CRLS1: variants seen among roughly 807,000 people sequenced by gnomAD.
The protein encoded by CRLS1 is cardiolipin synthase (CMP-forming).
CRLS1 carries 24 observed loss-of-function variants against 37.0 expected under a neutral mutation model. The ratio of observed to expected loss-of-function variants is 0.65; its 90% CI spans 0.47 to 0.91. The LOEUF (loss-of-function observed/expected upper bound fraction) is 0.91. Among genes scored for constraint, CRLS1 ranks in the 40% least tolerant of loss-of-function variants. CRLS1 has a pLI of 0.00. For missense variants in CRLS1, 373 were observed against 395.8 expected, an observed-to-expected ratio of 0.94 and a Z score of 0.49; for synonymous variants, 135 against 159.7, an observed-to-expected ratio of 0.85 and a Z score of 1.17.
chr20:6,021,065 C>CTT (rs148717152), intron 3 of CRLS1, among the ~76,000 whole-genome samples: 9 of 114,332 alleles, frequency 7.9e-5, no homozygotes, highest in Middle Eastern at 5.2e-3. Context: ...TGTTTTGTAT[C>CTT]TTTTTTTTTT....
rs183681722 is a variant in CRLS1, at chr20:6,037,843, T to C, written c.*685T>C. 2 of 152,342 alleles carry C rather than the reference T, an allele frequency of 1.3e-5. No homozygotes were observed. Among genetic ancestry groups the C allele is most frequent in the Admixed American group, 1.3e-4 (2 of 15,304 alleles). The allele number at this position is 152,342 out of a possible 1,614,324, so 9.4% of individuals were successfully genotyped here. A position where few individuals can be genotyped will look rare whatever the true frequency, so the allele number is the denominator to read the frequency against. ...AGTCGAGATAGGAGAACGTGTCTAT[T>C]AGTCTTTGCATCTAAAAGGCAGTGA... On this transcript the variant is annotated 3_prime_UTR_variant, in exon 7 of 7. Transcript: ENST00000378863.
intron 2 of CRLS1, among the ~76,000 whole-genome samples, chr20:6,013,808 A>C (rs904092812): frequency 5.3e-5 from 8 of 152,210 alleles, no homozygotes; most frequent in African/African-American, 1.7e-4. Context: ...TCTTAGGTGC[A>C]GGCCCAGAGT....
intron 2 of CRLS1, among the ~76,000 whole-genome samples, chr20:6,013,605 C>T (rs1383086473): frequency 2.6e-5 from 4 of 151,792 alleles, no homozygotes; most frequent in Non-Finnish European, 4.4e-5. Context: ...TGACCATGAG[C>T]GAGAGGGATG....
In CRLS1 at chr20:6,037,456, T is replaced by A. The variant is rs1600396838; in HGVS notation, c.*298T>A. 5.1e-6 allele frequency: 1 copy of A among 197,068 alleles called. No individual in the cohort carries two copies. Among genetic ancestry groups the A allele is most frequent in the Non-Finnish European group, 1.0e-5 (1 of 98,024 alleles). The allele number at this position is 197,068 out of a possible 1,614,324, so 12.2% of individuals were successfully genotyped here. ...TTGTCAGTCTTTTTTGTATGTTTTTTAAAAACATAGTCCAGAGCATGGGCA... is the reference window on the plus strand; with the variant it reads ...TTGTCAGTCTTTTTTGTATGTTTTTAAAAAACATAGTCCAGAGCATGGGCA... On this transcript the variant is annotated 3_prime_UTR_variant, in exon 7 of 7. Coordinates refer to ENST00000378863, the MANE Select transcript of CRLS1 (RefSeq NM_019095.6).
chr20:6,031,608 G>C (rs186055501), intron 4 of CRLS1, among the ~76,000 whole-genome samples: 1 of 152,280 alleles, frequency 6.6e-6, no homozygotes, highest in African/African-American at 2.4e-5. Context: ...ACAGTTGTAT[G>C]AACATGGGAT....
Position 6,018,470 on chromosome 20 carries a change from G to C in CRLS1, c.574+2980G>C, listed in dbSNP as rs140912274. On this transcript the variant is annotated intron_variant, in intron 3 of 6. Coordinates refer to ENST00000378863, the MANE Select transcript of CRLS1 (RefSeq NM_019095.6). ...TTGCCTTACTGCACTGAGTAGTACAGTGTTGGCAAGGAGTGGTGTCAATGT... is the reference window on the plus strand; with the variant it reads ...TTGCCTTACTGCACTGAGTAGTACACTGTTGGCAAGGAGTGGTGTCAATGT... Among the ~76,000 whole-genome samples the C allele has an allele frequency of 8.5e-5, 13 of 152,266 alleles. 1 individual carries two copies. In the East Asian group the frequency reaches 2.5e-3, roughly 29 times the overall value.
chr20:6,016,093 T>C (rs1050461498), intron 3 of CRLS1: 3 of 154,650 alleles, frequency 1.9e-5, no homozygotes, highest in East Asian at 3.8e-4. Context: ...AGTTAAACTG[T>C]TTTTTTCCCA....
intron 3 of CRLS1, among the ~76,000 whole-genome samples, chr20:6,024,432 C>G (rs766889501): frequency 2.1e-4 from 32 of 152,176 alleles, no homozygotes; most frequent in Non-Finnish European, 1.0e-4. Context: ...TCCTGTTAAT[C>G]AAGAGTGAAC....
upstream of CRLS1, chr20:6,005,978 C>G (rs1462578036): frequency 3.2e-6 from 1 of 309,724 alleles, no homozygotes; most frequent in East Asian, 5.2e-5. Flanking sequence ...TCCCAAAACC[C>G]ACTGAGCCTG....
At chr20:6,029,784 T>C (rs985464169) in intron 3 of CRLS1, among the ~76,000 whole-genome samples, 4 of 152,392 alleles carry the variant, frequency 2.6e-5, no homozygotes, top group Non-Finnish European at 4.4e-5. Flanking sequence ...TTGGCTCATA[T>C]AGCCACATCT....
intron 3 of CRLS1, among the ~76,000 whole-genome samples, chr20:6,018,354 T>G (rs1978937288): frequency 6.6e-6 from 1 of 152,198 alleles, no homozygotes; most frequent in Non-Finnish European, 1.5e-5. Context: ...TAAATTTGCT[T>G]GGATTTTTTA....
Position 6,006,378 on chromosome 20 carries a change from C to A in CRLS1, c.132C>A (p.Cys44Ter). ...LLPPVPCCLG[C>*]LAERWRLRPA... ...CGCCCGTGCCCTGCTGCTTGGGCTG[C>A]CTGGCCGAACGCTGGAGGCTGCGTC... is the stretch of plus-strand genomic sequence containing the variant. Residue 44 changes from cysteine (C) to a stop codon, truncating the protein, a stop_gained, in exon 1 of 7, where the codon TGC becomes TGA. Coordinates refer to ENST00000378863, the MANE Select transcript of CRLS1 (RefSeq NM_019095.6). LOFTEE classifies it high-confidence loss of function. 1 of 1,406,584 alleles carries A rather than the reference C, an allele frequency of 7.1e-7. No homozygotes were observed. The highest frequency in any genetic ancestry group is 1.5e-5 in the South Asian group (1 of 66,534). 87.1% of individuals were successfully genotyped at this position (1,406,584 alleles called of 1,614,324 possible). A position where few individuals can be genotyped will look rare whatever the true frequency, so the allele number is the denominator to read the frequency against.
rs564457402 is a variant in CRLS1 at position 6,006,148 on chromosome 20, G to A, written c.-99G>A. The A allele has an allele frequency of 5.2e-6, 3 of 576,796 alleles. No homozygotes were observed. Among genetic ancestry groups the A allele is most frequent in the South Asian group, 9.0e-5 (1 of 11,148 alleles). The allele number at this position is 576,796 out of a possible 1,614,324, so 35.7% of individuals were successfully genotyped here. A position where few individuals can be genotyped will look rare whatever the true frequency, so the allele number is the denominator to read the frequency against. On this transcript the variant is annotated 5_prime_UTR_variant, in exon 1 of 7. Coordinates refer to ENST00000378863, the MANE Select transcript of CRLS1 (RefSeq NM_019095.6). The stretch of plus-strand genomic sequence containing the variant: ...AGTATGGAGGCAGCGGTAGCCCAGT[G>A]TCTGAGTGGTTGCCGGGTCTCCATG...
At chr20:6,030,902 T>G (rs1220897609) in intron 3 of CRLS1, among the ~76,000 whole-genome samples, 1 of 152,242 alleles carries the variant, frequency 6.6e-6, no homozygotes, top group East Asian at 1.9e-4. Flanking sequence ...TATGGTGATC[T>G]TTTTTCAAAT....
intron 3 of CRLS1, among the ~76,000 whole-genome samples, chr20:6,025,665 A>C (rs1187605514): frequency 1.3e-5 from 2 of 152,224 alleles, no homozygotes; most frequent in Admixed American, 6.5e-5. Flanking sequence ...CCTTCTAGAA[A>C]GGATTCACCA....
At chr20:6,005,938 A>C (rs1001229686), upstream of CRLS1, 5 of 227,182 alleles carry the variant, frequency 2.2e-5, no homozygotes, top group Non-Finnish European at 3.4e-5. Flanking sequence ...GCTGCGGGCC[A>C]GGAGAAGAGA....
intron 5 of CRLS1, among the ~76,000 whole-genome samples, chr20:6,032,784 T>A (rs1331576475): frequency 6.6e-6 from 1 of 152,244 alleles, no homozygotes; most frequent in Non-Finnish European, 1.5e-5. Flanking sequence ...CAGTTCATTC[T>A]TTTGTCCCAT....
In CRLS1 at chr20:6,006,455, C is replaced by A; in HGVS notation, c.209C>A (p.Ser70Ter). Reference protein sequence around the residue: ...LPGIGQRNHCSGAGKAAPRPA... With the variant: ...LPGIGQRNHC ...GGGATCGGCCAGCGGAACCACTGTT[C>A]GGGCGCGGGGAAGGCGGCTCCCAGG... Residue 70 changes from serine (S) to a stop codon, truncating the protein, a stop_gained, in exon 1 of 7, where the codon TCG becomes TAG. Coordinates refer to ENST00000378863, the MANE Select transcript of CRLS1 (RefSeq NM_019095.6). LOFTEE classifies it high-confidence loss of function. 4 of 1,405,416 alleles carry A rather than the reference C, an allele frequency of 2.8e-6. No homozygotes were observed. The highest frequency in any genetic ancestry group is 1.5e-5 in the South Asian group (1 of 65,940). The allele number at this position is 1,405,416 out of a possible 1,614,324, so 87.1% of individuals were successfully genotyped here.
chr20:6,024,689 T>C (rs1979537106), intron 3 of CRLS1, among the ~76,000 whole-genome samples: 1 of 152,226 alleles, frequency 6.6e-6, no homozygotes, highest in Non-Finnish European at 1.5e-5. Flanking sequence ...AGGCCGGTTG[T>C]GCCAAATAGC....
Sources: gnomAD v4.1 joint callset for allele counts (sites outside exome capture counted in the v4.1 genomes callset) on GRCh38, gnomAD v4.1.1 for gene constraint, MANE v1.5 for transcripts, NCBI Gene and HGNC (gene_info 2026-07-23, HGNC 2026-07-21) for gene names.